Variants in TNIP1 observed in about 807,000 individuals in gnomAD.
TNIP1 encodes the protein TNFAIP3-interacting protein 1.
TNIP1 carries 22 observed loss-of-function variants against 86.6 expected under a neutral mutation model. The ratio of observed to expected loss-of-function variants is 0.25; its 90% CI spans 0.18 to 0.36. The LOEUF is 0.36. TNIP1 is among the 10% of genes least tolerant of loss of function. The pLI is 1.00. For missense variants in TNIP1, 709 were observed against 820.6 expected (o/e 0.86, Z 1.66); for synonymous variants, 294 against 313.0 (o/e 0.94, Z 0.64).
intron 6 of TNIP1, among the ~76,000 whole-genome samples, chr5:151,052,818 C>T (rs1276402358): frequency 6.6e-6 from 1 of 152,202 alleles, no homozygotes; most frequent in Non-Finnish European, 1.5e-5. Context: ...GGCTGGGACC[C>T]CTAACCATCC....
chr5:151,045,405 G>A lies in TNIP1; in HGVS notation c.936+456C>T, dbSNP rs1374806251. 4.6e-5 allele frequency among the ~76,000 whole-genome samples: 7 copies of A among 152,250 alleles called. No individual in the cohort carries two copies. The South Asian group carries it at 1.5e-3, about 32-fold the overall frequency. On this transcript the variant is annotated intron_variant, in intron 9 of 17. Transcript: ENST00000521591. ...GCACCCAGCCAAGGTAGCTTTTAAC[G>A]TTAAAAATTTTGACAGTAAATTTAT... is the stretch of plus-strand genomic sequence containing the variant.
intron 9 of TNIP1, among the ~76,000 whole-genome samples, chr5:151,045,380 G>A (rs189440140): frequency 2.6e-5 from 4 of 152,220 alleles, no homozygotes; most frequent in African/African-American, 7.2e-5. Context: ...ATGAGCCACC[G>A]CACCCAGCCA....
chr5:151,060,025 T>A (rs1761342320), intron 5 of TNIP1, among the ~76,000 whole-genome samples: 1 of 152,204 alleles, frequency 6.6e-6, no homozygotes, highest in African/African-American at 2.4e-5. Context: ...CCCAAAGGGC[T>A]GAGTCATAGT....
intron 3 of TNIP1, 29 bp from the exon 4 acceptor site, chr5:151,062,241 T>C: frequency 6.2e-7 from 1 of 1,607,270 alleles, no homozygotes; most frequent in Non-Finnish European, 8.5e-7. Flanking sequence ...ACAGATGAAC[T>C]GACTGGGAAG....
intron 11 of TNIP1, 80 bp from the exon 12 acceptor site, chr5:151,039,305 G>A: frequency 6.7e-7 from 1 of 1,483,806 alleles, no homozygotes; most frequent in Non-Finnish European, 9.0e-7. Context: ...GCCTGGCCCA[G>A]CCCTTACGTT....
intron 8 of TNIP1, among the ~76,000 whole-genome samples, chr5:151,047,117 A>C (rs914963426): frequency 1.3e-5 from 2 of 152,242 alleles, no homozygotes; most frequent in African/African-American, 4.8e-5. Flanking sequence ...TTGATTGCAG[A>C]AACTTGAAAG....
upstream of TNIP1, among the ~76,000 whole-genome samples, chr5:151,082,091 T>C (rs192364195): frequency 4.6e-5 from 7 of 152,256 alleles, no homozygotes; most frequent in East Asian, 9.6e-4. Flanking sequence ...GGGAAAGGAT[T>C]TGGGGAACTG....
chr5:151,081,020 C>T lies in TNIP1; in HGVS notation c.-177G>A, dbSNP rs922351534. On this transcript the variant is annotated 5_prime_UTR_variant, in exon 1 of 18. Coordinates refer to ENST00000521591, the MANE Select transcript of TNIP1 (RefSeq NM_006058.5). Reference sequence around the variant, plus strand: ...CTGGACGGGGGCAGGGCACCCGGGCCGAGGACGAGGAAGTGCCGGGGGCCT... The same window carrying T: ...CTGGACGGGGGCAGGGCACCCGGGCTGAGGACGAGGAAGTGCCGGGGGCCT... 1 of 152,090 alleles carries T rather than the reference C, an allele frequency of 6.6e-6. No homozygotes were observed. Among genetic ancestry groups the T allele is most frequent in the African/African-American group, 2.4e-5 (1 of 41,436 alleles). The allele number at this position is 152,090 out of a possible 1,614,324, so 9.4% of individuals were successfully genotyped here.
At chr5:151,059,077 T>C (rs1761053488) in intron 5 of TNIP1, among the ~76,000 whole-genome samples, 1 of 152,238 alleles carries the variant, frequency 6.6e-6, no homozygotes, top group Non-Finnish European at 1.5e-5. Context: ...CATGCGATGC[T>C]TCCCATGCCT....
At chr5:151,048,237 G>A (rs1445109603) in intron 8 of TNIP1, among the ~76,000 whole-genome samples, 3 of 152,314 alleles carry the variant, frequency 2.0e-5, no homozygotes, top group Admixed American at 6.5e-5. Context: ...CTGAACCTCC[G>A]CGAGGGAGAG....
chr5:151,085,551 A>C (rs567224274), upstream of TNIP1, among the ~76,000 whole-genome samples: 2 of 152,030 alleles, frequency 1.3e-5, no homozygotes, highest in African/African-American at 4.8e-5. Flanking sequence ...GGCCTGTTAC[A>C]CTTCAGTTTC....
chr5:151,073,793 G>A (rs1035919174), intron 1 of TNIP1, among the ~76,000 whole-genome samples: 1 of 151,690 alleles, frequency 6.6e-6, no homozygotes, highest in Non-Finnish European at 1.5e-5. Context: ...CCAGCTACTC[G>A]GAAAGTTGAG....
At position 151,030,196 on chromosome 5, in the gene TNIP1, C is replaced by CCATCATTCTCTTCTGT; in HGVS notation, c.*501_*516dup. 7 of 455,808 alleles carry CCATCATTCTCTTCTGT rather than the reference C, an allele frequency of 1.5e-5. No individual in the cohort carries two copies. The highest frequency in any genetic ancestry group is 1.1e-4 in the South Asian group (7 of 64,504). The allele number at this position is 455,808 out of a possible 1,614,324, so 28.2% of individuals were successfully genotyped here. ...GGAGAGGGCCCCAGAGCCAGAATATCCATCATTCTCTTCTGTTCTGGAGAC... is the reference window on the plus strand; with the variant it reads ...GGAGAGGGCCCCAGAGCCAGAATATCCATCATTCTCTTCTGTCATCATTCTCTTCTGTTCTGGAGAC... On this transcript the variant is annotated 3_prime_UTR_variant, in exon 18 of 18. Transcript: ENST00000521591.
chr5:151,037,028 A>G, intron 12 of TNIP1, 107 bp from the exon 13 acceptor site: 1 of 1,353,472 alleles, frequency 7.4e-7, no homozygotes, highest in South Asian at 1.5e-5. Context: ...CATACTAATA[A>G]TAGCCACCAC....
upstream of TNIP1, among the ~76,000 whole-genome samples, chr5:151,084,444 C>CA (rs56889305): frequency 0.42 from 55,724 of 132,154 alleles, 11,521 homozygotes; most frequent in African/African-American, 0.5. Flanking sequence ...GACTTCGTCT[C>CA]AAAAAAAAAA....
intron 4 of TNIP1, among the ~76,000 whole-genome samples, chr5:151,061,317 C>T (rs907330551): frequency 6.6e-5 from 10 of 152,048 alleles, no homozygotes; most frequent in Non-Finnish European, 1.5e-4. Flanking sequence ...TGGCTCTTGG[C>T]CCTGCCCTAG....
In TNIP1 at chr5:151,056,912, G is replaced by C. The variant is rs771064694; in HGVS notation, c.481C>G (p.Leu161Val). ...CTCAGCGTGGTCTCCAGGCGCTGCA[G>C]GTGCAGCATCAGGTTGCCGTCCTCA... ...PREDGNLMLH[L>V]QRLETTLSVC... Residue 161 changes from leucine to valine, a missense_variant, in exon 6 of 18, where the codon CTG becomes GTG. Physicochemically the swap from Leu to Val is conservative, Grantham distance 32. Transcript: ENST00000521591. 2.5e-6 allele frequency: 4 copies of C among 1,591,756 alleles called. No individual in the cohort carries two copies. Among genetic ancestry groups the C allele is most frequent in the Non-Finnish European group, 3.4e-6 (4 of 1,169,770 alleles).
At chr5:151,081,141 G>A (rs1442174325), upstream of TNIP1, 1 of 152,216 alleles carries the variant, frequency 6.6e-6, no homozygotes, top group Non-Finnish European at 1.5e-5. Flanking sequence ...GGCCGCCTGG[G>A]GTGGGACCGA....
At chr5:151,035,525 GC>G in intron 14 of TNIP1, 56 bp downstream of exon 14, 2 of 1,612,540 alleles carry the variant, frequency 1.2e-6, no homozygotes, top group Non-Finnish European at 1.7e-6. Flanking sequence ...TCCAATCCAT[GC>G]CCCCTCTCCC....
Sources: allele counts gnomAD v4.1 joint callset (sites outside exome capture counted in the v4.1 genomes callset), GRCh38; gene constraint gnomAD v4.1.1; transcripts MANE v1.5; gene names NCBI Gene and HGNC (gene_info 2026-07-23, HGNC 2026-07-21).